The following EIF2B3 variants were observed in gnomAD, a reference collection of about 807,000 sequenced individuals.
EIF2B3 encodes eukaryotic translation initiation factor 2B subunit gamma.
In EIF2B3, 20 loss-of-function variants were observed where a neutral mutation model predicts 54.1. The observed-to-expected ratio is 0.37, with a 90% CI of 0.26 to 0.54. EIF2B3 has a LOEUF of 0.54. Among genes scored for constraint, EIF2B3 ranks in the 20% least tolerant of loss-of-function variants. The pLI, the probability that EIF2B3 is intolerant of heterozygous loss-of-function variation, is 0.86. For missense variants in EIF2B3, 448 were observed against 547.8 expected (o/e 0.82, Z 1.82); for synonymous variants, 153 against 188.1 (o/e 0.81, Z 1.52).
intron 5 of EIF2B3, among the ~76,000 whole-genome samples, chr1:44,905,539 C>T (rs897157556): frequency 2.6e-5 from 4 of 151,764 alleles, no homozygotes; most frequent in African/African-American, 9.7e-5. Context: ...ATTTCTGTTT[C>T]TCTGATATAA....
intron 8 of EIF2B3, among the ~76,000 whole-genome samples, chr1:44,878,721 A>G (rs898685675): frequency 6.6e-6 from 1 of 151,200 alleles, no homozygotes; most frequent in African/African-American, 2.4e-5. Flanking sequence ...TGCCACCCCA[A>G]TGTAGTTCCC....
At chr1:44,884,072 C>G (rs1167383560) in intron 6 of EIF2B3, among the ~76,000 whole-genome samples, 1 of 152,204 alleles carries the variant, frequency 6.6e-6, no homozygotes, top group Non-Finnish European at 1.5e-5. Context: ...CTCCTGGACT[C>G]AAGCAGTCCT....
At chr1:44,857,663 T>G in intron 11 of EIF2B3, 41 bp downstream of exon 11, 1 of 1,583,392 alleles carries the variant, frequency 6.3e-7, no homozygotes, top group Non-Finnish European at 8.7e-7. Flanking sequence ...AGTGCTGGTG[T>G]GAGAAGTAAA....
chr1:44,893,696 A>C (rs1039524862), intron 6 of EIF2B3, among the ~76,000 whole-genome samples: 50 of 152,080 alleles, frequency 3.3e-4, no homozygotes, highest in African/African-American at 1.2e-3. Flanking sequence ...CAACCCCAAG[A>C]CTGTAAGTAC....
intron 6 of EIF2B3, among the ~76,000 whole-genome samples, chr1:44,897,136 C>T (rs2148914424): frequency 6.6e-6 from 1 of 152,320 alleles, no homozygotes; most frequent in African/African-American, 2.4e-5. Context: ...TTTATTATAA[C>T]ACACGCTGCA....
intron 6 of EIF2B3, among the ~76,000 whole-genome samples, chr1:44,896,525 G>A (rs1302350890): frequency 1.3e-5 from 2 of 152,148 alleles, no homozygotes; most frequent in Non-Finnish European, 2.9e-5. Flanking sequence ...TTCTCCAGAT[G>A]GTCGGAGATA....
intron 6 of EIF2B3, among the ~76,000 whole-genome samples, chr1:44,887,895 C>T (rs549815366): frequency 1.3e-5 from 2 of 151,836 alleles, no homozygotes; most frequent in African/African-American, 4.8e-5. Context: ...CAGACTCTGT[C>T]TCCCCCCAAA....
At chr1:44,883,865 G>T (rs1420158929) in intron 6 of EIF2B3, among the ~76,000 whole-genome samples, 1 of 152,142 alleles carries the variant, frequency 6.6e-6, no homozygotes, top group African/African-American at 2.4e-5. Context: ...GTTAGACGGG[G>T]TCTTGCTCTG....
intron 1 of EIF2B3, among the ~76,000 whole-genome samples, chr1:44,982,448 G>A (rs1488736640): frequency 6.6e-6 from 1 of 151,614 alleles, no homozygotes; most frequent in African/African-American, 2.4e-5. Context: ...ACAGGCATGG[G>A]CCACCATGCC....
At chr1:44,861,373 G>T (rs1654605293) in intron 10 of EIF2B3, among the ~76,000 whole-genome samples, 1 of 152,134 alleles carries the variant, frequency 6.6e-6, no homozygotes, top group South Asian at 2.1e-4. Context: ...TTTTTCCAAG[G>T]TGGTAGTAGG....
Position 44,872,901 on chromosome 1 carries a change from A to C in EIF2B3, c.1202+1777T>G, listed in dbSNP as rs117874780. Among the ~76,000 whole-genome samples the C allele has an allele frequency of 1.6e-4, 25 of 152,312 alleles. No individual in the cohort carries two copies. In the East Asian group the frequency reaches 3.5e-3, roughly 21 times the overall value. On this transcript the variant is annotated intron_variant, in intron 10 of 11. Coordinates refer to ENST00000360403, the MANE Select transcript of EIF2B3 (RefSeq NM_020365.5). Reference sequence around the variant, plus strand: ...CACTGCCTAGCACAATCTTAATCAGAGAGTGGGTCTGTTAGTATCTGATAA... The same window carrying C: ...CACTGCCTAGCACAATCTTAATCAGCGAGTGGGTCTGTTAGTATCTGATAA...
At chr1:44,925,259 CA>C (rs1416326562) in intron 5 of EIF2B3, 1 of 152,130 alleles carries the variant, frequency 6.6e-6, no homozygotes, top group Non-Finnish European at 1.5e-5. Flanking sequence ...GCACTATTCA[CA>C]ATAGCCAAGA....
intron 8 of EIF2B3, among the ~76,000 whole-genome samples, chr1:44,875,997 G>A (rs1197419879): frequency 3.9e-5 from 6 of 152,344 alleles, no homozygotes; most frequent in African/African-American, 1.4e-4. Context: ...TGTTGGCCGG[G>A]CTGGTCTCCA....
At chr1:44,924,167 C>T (rs909266181) in intron 5 of EIF2B3, among the ~76,000 whole-genome samples, 24 of 152,090 alleles carry the variant, frequency 1.6e-4, no homozygotes, top group South Asian at 1.2e-3. Context: ...GTCTTGATCT[C>T]CTGACCTCGT....
intron 6 of EIF2B3, among the ~76,000 whole-genome samples, chr1:44,887,824 G>C (rs1350437428): frequency 6.6e-6 from 1 of 152,092 alleles, no homozygotes; most frequent in Non-Finnish European, 1.5e-5. Context: ...CCTGAACTCG[G>C]GAGGCAGAGG....
intron 2 of EIF2B3, among the ~76,000 whole-genome samples, chr1:44,980,397 T>C (rs1466775808): frequency 6.6e-6 from 1 of 151,796 alleles, no homozygotes; most frequent in African/African-American, 2.4e-5. Flanking sequence ...CCGGGAGAGG[T>C]TGAACCCTGG....
At chr1:44,892,444 G>C (rs775620712) in intron 6 of EIF2B3, among the ~76,000 whole-genome samples, 8 of 151,988 alleles carry the variant, frequency 5.3e-5, no homozygotes, top group Non-Finnish European at 1.0e-4. Context: ...GCCAGTCATG[G>C]TGGTGAGTGC....
At chr1:44,982,956 G>T (rs1264262112) in intron 1 of EIF2B3, among the ~76,000 whole-genome samples, 1 of 152,054 alleles carries the variant, frequency 6.6e-6, no homozygotes, top group Non-Finnish European at 1.5e-5. Flanking sequence ...TTTTAGTAGA[G>T]ACAGGGTTTC....
chr1:44,953,054 C>T (rs928191484), intron 3 of EIF2B3, among the ~76,000 whole-genome samples: 2 of 151,194 alleles, frequency 1.3e-5, no homozygotes, highest in African/African-American at 4.9e-5. Flanking sequence ...TTTTCTCTAT[C>T]ATCAATTTAT....
Sources: allele counts gnomAD v4.1 joint callset (sites outside exome capture counted in the v4.1 genomes callset), GRCh38; gene constraint gnomAD v4.1.1; transcripts MANE v1.5; gene names NCBI Gene and HGNC (gene_info 2026-07-23, HGNC 2026-07-21).